AKAP6: variants seen among roughly 807,000 people sequenced by gnomAD.
AKAP6 encodes the protein A-kinase anchor protein 6.
AKAP6 carries 58 observed loss-of-function variants against 188.5 expected under a neutral mutation model. The ratio of observed to expected loss-of-function variants is 0.31; its 90% CI spans 0.25 to 0.38. AKAP6 has a LOEUF of 0.38. Among genes scored for constraint, AKAP6 ranks in the 10% least tolerant of loss-of-function variants. The pLI, the probability that AKAP6 is intolerant of heterozygous loss-of-function variation, is 1.00. For synonymous variants in AKAP6, 989 were observed against 998.6 expected (o/e 0.99, Z 0.18); for missense variants, 2,710 against 2,740.0 (o/e 0.99, Z 0.24).
At chr14:32,410,617 CTT>C (rs1889450819) in intron 1 of AKAP6, among the ~76,000 whole-genome samples, 1 of 152,096 alleles carries the variant, frequency 6.6e-6, no homozygotes, top group African/African-American at 2.4e-5. Flanking sequence ...GAGTTTGACT[CTT>C]TTCATTGACA....
At chr14:32,363,132 CAAAT>C (rs1887718115) in intron 1 of AKAP6, among the ~76,000 whole-genome samples, 1 of 152,126 alleles carries the variant, frequency 6.6e-6, no homozygotes, top group African/African-American at 2.4e-5. Context: ...AACAAACTAA[CAAAT>C]AAAACCCCTA....
intron 9 of AKAP6, among the ~76,000 whole-genome samples, chr14:32,696,554 C>G (rs1890411807): frequency 6.6e-6 from 1 of 152,118 alleles, no homozygotes; most frequent in South Asian, 2.1e-4. Context: ...AAAGTACAGG[C>G]CTCATCCAAT....
chr14:32,599,155 G>A (rs759576405), intron 5 of AKAP6, among the ~76,000 whole-genome samples: 94 of 152,228 alleles, frequency 6.2e-4, no homozygotes, highest in Non-Finnish European at 1.1e-3. Flanking sequence ...ATAGCCTACG[G>A]GATGTGACTT....
intron 1 of AKAP6, among the ~76,000 whole-genome samples, chr14:32,342,128 GCTT>G (rs1886909100): frequency 6.6e-6 from 1 of 152,108 alleles, no homozygotes. Flanking sequence ...CTTGTTGATG[GCTT>G]CTTCTATTTC....
chr14:32,798,144 T>C (rs2033831755), intron 12 of AKAP6, among the ~76,000 whole-genome samples: 1 of 151,934 alleles, frequency 6.6e-6, no homozygotes, highest in Admixed American at 6.6e-5. Flanking sequence ...TATGAAAAAG[T>C]GTTCAATATC....
chr14:32,716,808 A>G (rs1472716258), intron 9 of AKAP6, among the ~76,000 whole-genome samples: 3 of 151,890 alleles, frequency 2.0e-5, no homozygotes, highest in Non-Finnish European at 4.4e-5. Flanking sequence ...CTAAGACAGA[A>G]AATAAAAACC....
intron 12 of AKAP6, among the ~76,000 whole-genome samples, chr14:32,813,420 C>T (rs1023532708): frequency 7.8e-6 from 1 of 127,590 alleles, no homozygotes; most frequent in African/African-American, 2.9e-5. Flanking sequence ...CCCAGAGGTC[C>T]TTCGGTGGAG....
chr14:32,600,908 T>G (rs1418111996), intron 7 of AKAP6, 116 bp downstream of exon 7: 8 of 844,150 alleles, frequency 9.5e-6, no homozygotes, highest in Non-Finnish European at 1.2e-5. Context: ...GTAAACTTTA[T>G]ATCTCTCTCT....
At chr14:32,466,802 C>CAAAATAT (rs1244131119) in intron 2 of AKAP6, among the ~76,000 whole-genome samples, 4 of 105,094 alleles carry the variant, frequency 3.8e-5, no homozygotes, top group African/African-American at 2.4e-4. Flanking sequence ...GATCCTGATT[C>CAAAATAT]AAAATATAAG....
At chr14:32,581,821 G>A (rs1884980597) in intron 5 of AKAP6, among the ~76,000 whole-genome samples, 2 of 151,962 alleles carry the variant, frequency 1.3e-5, no homozygotes, top group South Asian at 4.2e-4. Flanking sequence ...TGCAATCCCT[G>A]CCTTTTTTTG....
intron 2 of AKAP6, among the ~76,000 whole-genome samples, chr14:32,437,604 T>C (rs376010276): frequency 2.6e-5 from 4 of 152,158 alleles, no homozygotes; most frequent in African/African-American, 7.2e-5. Flanking sequence ...TTATTATTAT[T>C]ATCATTATTT....
intron 2 of AKAP6, among the ~76,000 whole-genome samples, chr14:32,493,275 C>T (rs1027752217): frequency 5.9e-5 from 9 of 152,034 alleles, no homozygotes; most frequent in African/African-American, 9.7e-5. Flanking sequence ...GGTGCGATCA[C>T]GGTGCACTGC....
chr14:32,483,588 A>C (rs1594662762), intron 2 of AKAP6, among the ~76,000 whole-genome samples: 1 of 152,032 alleles, frequency 6.6e-6, no homozygotes, highest in African/African-American at 2.4e-5. Flanking sequence ...CGGTTCAAGC[A>C]ATTCTCCTGC....
At chr14:32,676,821 TTTTTCTTTTTTTC>T (rs1283375980) in intron 7 of AKAP6, among the ~76,000 whole-genome samples, 2 of 152,084 alleles carry the variant, frequency 1.3e-5, no homozygotes, top group Non-Finnish European at 2.9e-5. Context: ...TGAGACCTCA[TTTTTCTTTTTTTC>T]TTTTCTTTTT....
At chr14:32,551,615 T>C (rs1883468364) in intron 4 of AKAP6, among the ~76,000 whole-genome samples, 1 of 151,720 alleles carries the variant, frequency 6.6e-6, no homozygotes, top group Non-Finnish European at 1.5e-5. Context: ...TTTTCTTTCT[T>C]TTACAGATCT....
intron 2 of AKAP6, among the ~76,000 whole-genome samples, chr14:32,491,255 G>A (rs1272022129): frequency 1.3e-5 from 2 of 152,120 alleles, no homozygotes; most frequent in Admixed American, 1.3e-4. Context: ...TGTCCAACTG[G>A]TTACCAAATT....
intron 2 of AKAP6, among the ~76,000 whole-genome samples, chr14:32,528,432 T>C (rs1276442391): frequency 6.6e-6 from 1 of 152,152 alleles, no homozygotes; most frequent in Non-Finnish European, 1.5e-5. Flanking sequence ...TTGAAAAGAC[T>C]GTCTTTTCTC....
chr14:32,702,773 C>T (rs901975040), intron 9 of AKAP6, among the ~76,000 whole-genome samples: 1 of 152,130 alleles, frequency 6.6e-6, no homozygotes, highest in Non-Finnish European at 1.5e-5. Context: ...TCAAACGAGC[C>T]GTGGGGAAAG....
At chr14:32,332,488 C>T (rs1039504961) in intron 1 of AKAP6, among the ~76,000 whole-genome samples, 1 of 152,126 alleles carries the variant, frequency 6.6e-6, no homozygotes, top group East Asian at 1.9e-4. Flanking sequence ...ACTTTTGCCA[C>T]TGCCCTTGCT....
Sources: gnomAD v4.1 joint callset for allele counts (sites outside exome capture counted in the v4.1 genomes callset) on GRCh38, gnomAD v4.1.1 for gene constraint, MANE v1.5 for transcripts, NCBI Gene and HGNC (gene_info 2026-07-23, HGNC 2026-07-21) for gene names.